Variants in ADCY5 observed in about 807,000 individuals in gnomAD.
ADCY5 encodes adenylate cyclase type 5.
In ADCY5, 30 loss-of-function variants were observed where a neutral mutation model predicts 119.7. That is an observed-to-expected ratio of 0.25 (90% CI 0.19 to 0.34). The LOEUF is 0.34. Ranked by LOEUF, ADCY5 falls within the 10% of genes least tolerant of loss-of-function variation. ADCY5 has a pLI of 1.00. For synonymous variants in ADCY5, 753 were observed against 762.2 expected (o/e 0.99, Z 0.20); for missense variants, 1,324 against 1,775.2 (o/e 0.75, Z 4.57).
At chr3:123,388,343 A>G (rs1473701581) in intron 1 of ADCY5, among the ~76,000 whole-genome samples, 2 of 152,124 alleles carry the variant, frequency 1.3e-5, no homozygotes, top group African/African-American at 4.8e-5. Flanking sequence ...GAGGAGAGGG[A>G]GTTGTCAAGG....
rs766422564 is a variant in ADCY5, at chr3:123,332,566, C to T, written c.1516G>A (p.Ala506Thr). 28 of 1,610,436 alleles carry T rather than the reference C, an allele frequency of 1.7e-5. No individual in the cohort carries two copies. Among genetic ancestry groups the T allele is most frequent in the Non-Finnish European group, 1.9e-5 (22 of 1,177,396 alleles). The change falls in exon 4 of 21, where the codon GCA becomes ACA. Residue 506 changes from alanine (A) to threonine (T), a missense_variant and splice_region_variant. Ala to Thr is a moderately conservative substitution (Grantham distance 58). Around this residue, in one of 6 missense-constraint regions of ADCY5, gnomAD observed 123 missense variants for 287.9 expected, o/e 0.43. Transcript: ENST00000462833. ...ELFARFDKLA[A>T]ENHCLRIKIL... ...ACCCCCGGCTCAGGGTGACTCACTG[C>T]GGCCAGCTTGTCAAAGCGGGCGAAG...
intron 13 of ADCY5, 152 bp from the exon 14 acceptor site, chr3:123,303,371 C>T (rs375687977): frequency 1.9e-5 from 17 of 895,838 alleles, no homozygotes; most frequent in South Asian, 1.6e-4. Flanking sequence ...GTCTGAGGAA[C>T]GGGCAAAGTC....
intron 12 of ADCY5, among the ~76,000 whole-genome samples, chr3:123,307,317 C>T (rs936154989): frequency 3.9e-5 from 6 of 152,158 alleles, no homozygotes; most frequent in Admixed American, 3.3e-4. Context: ...GATCCTGGGG[C>T]GTTACTCTAC....
At chr3:123,443,368 G>A (rs1445035943) in intron 1 of ADCY5, among the ~76,000 whole-genome samples, 2 of 152,120 alleles carry the variant, frequency 1.3e-5, no homozygotes, top group East Asian at 3.8e-4. Flanking sequence ...GAATAAACAG[G>A]ACAGGGCTGC....
chr3:123,331,886 C>T (rs2108407249), intron 4 of ADCY5, among the ~76,000 whole-genome samples: 1 of 152,290 alleles, frequency 6.6e-6, no homozygotes, highest in Admixed American at 6.5e-5. Context: ...CTGACGGCAC[C>T]AGCCTCTCAT....
chr3:123,314,722 A>G (rs1188121448), intron 11 of ADCY5, among the ~76,000 whole-genome samples: 3 of 152,196 alleles, frequency 2.0e-5, no homozygotes, highest in Non-Finnish European at 4.4e-5. Context: ...TACTCCCTCC[A>G]AGTCGTCACT....
rs566327946 is a variant in ADCY5 at position 123,440,486 on chromosome 3, T to C, written c.1134+6926A>G. ...ACCCCCCCTTTCTCTTGTGACCATA[T>C]CTCATTGTTCCCAGAGAACAGCCCT... On this transcript the variant is annotated intron_variant, in intron 1 of 20. Coordinates refer to ENST00000462833, the MANE Select transcript of ADCY5 (RefSeq NM_183357.3). 2.7e-5 allele frequency among the ~76,000 whole-genome samples: 4 copies of C among 150,522 alleles called. No homozygotes were observed. In the Admixed American group the frequency reaches 2.7e-4, roughly 10 times the overall value.
At chr3:123,324,403 AC>A (rs1941367829) in intron 8 of ADCY5, among the ~76,000 whole-genome samples, 1 of 122,160 alleles carries the variant, frequency 8.2e-6, no homozygotes, top group Admixed American at 8.7e-5. Flanking sequence ...CCACACAGAA[AC>A]CACACACACA....
intron 1 of ADCY5, among the ~76,000 whole-genome samples, chr3:123,369,401 G>A (rs1357112914): frequency 6.6e-6 from 1 of 152,196 alleles, no homozygotes; most frequent in Non-Finnish European, 1.5e-5. Context: ...CTGCAGGAAT[G>A]CCCAGGCCCA....
At chr3:123,345,955 G>T (rs756106145) in intron 3 of ADCY5, among the ~76,000 whole-genome samples, 2 of 152,206 alleles carry the variant, frequency 1.3e-5, no homozygotes, top group Non-Finnish European at 2.9e-5. Context: ...ACCAGAAAGC[G>T]TTCCAGGGTA....
chr3:123,383,878 C>G lies in ADCY5; in HGVS notation c.1135-31297G>C, dbSNP rs558644319. On this transcript the variant is annotated intron_variant, in intron 1 of 20. Coordinates refer to ENST00000462833, the MANE Select transcript of ADCY5 (RefSeq NM_183357.3). The stretch of plus-strand genomic sequence containing the variant: ...GCACGCACACACACACACAAACACA[C>G]ACACACTCTTCCTCAAGGTGCACAC... Among the ~76,000 whole-genome samples the G allele has an allele frequency of 2.0e-5, 3 of 151,708 alleles. No homozygotes were observed. In the South Asian group the frequency reaches 6.3e-4, roughly 32 times the overall value.
intron 7 of ADCY5, 99 bp downstream of exon 7, chr3:123,327,519 T>G: frequency 7.8e-7 from 1 of 1,278,212 alleles, no homozygotes; most frequent in African/African-American, 1.5e-5. Context: ...AAGAAATTCA[T>G]GACTTCACTC....
At chr3:123,397,572 G>A (rs955774423) in intron 1 of ADCY5, among the ~76,000 whole-genome samples, 1 of 152,180 alleles carries the variant, frequency 6.6e-6, no homozygotes, top group African/African-American at 2.4e-5. Context: ...AGGAGTTCAG[G>A]GTTACAGTGA....
chr3:123,434,211 C>T (rs1260007905), intron 1 of ADCY5, among the ~76,000 whole-genome samples: 2 of 152,236 alleles, frequency 1.3e-5, no homozygotes, highest in African/African-American at 4.8e-5. Context: ...CCAAAGTTAA[C>T]TAACTAGCAA....
At chr3:123,332,494 C>G (rs555791134) in intron 4 of ADCY5, 70 bp downstream of exon 4, 104 of 1,192,014 alleles carry the variant, frequency 8.7e-5, no homozygotes, top group Non-Finnish European at 1.2e-4. Context: ...TTCAGCAGGT[C>G]CTCGACCACA....
chr3:123,439,615 C>T (rs990766887), intron 1 of ADCY5, among the ~76,000 whole-genome samples: 3 of 150,024 alleles, frequency 2.0e-5, no homozygotes, highest in African/African-American at 7.4e-5. Context: ...TTGGTACTAT[C>T]CACGATTTTA....
intron 1 of ADCY5, among the ~76,000 whole-genome samples, chr3:123,373,773 A>G (rs189007214): frequency 0.055 from 1,963 of 35,700 alleles, 243 homozygotes; most frequent in South Asian, 0.094. Context: ...CCCCCCCCCG[A>G]CCCCCCCGCA....
intron 10 of ADCY5, 73 bp from the exon 11 acceptor site, chr3:123,318,190 A>C (rs553124091): frequency 8.2e-7 from 1 of 1,222,702 alleles, no homozygotes; most frequent in Non-Finnish European, 1.2e-6. Context: ...TCAATCCCAC[A>C]CACCCAGGGA....
chr3:123,339,483 G>A (rs1942176831), intron 3 of ADCY5, among the ~76,000 whole-genome samples: 1 of 152,240 alleles, frequency 6.6e-6, no homozygotes, highest in Non-Finnish European at 1.5e-5. Flanking sequence ...GGCTGGGAAA[G>A]GGAAAGGGGG....
Sources: gnomAD v4.1 joint callset for allele counts (sites outside exome capture counted in the v4.1 genomes callset) on GRCh38, gnomAD v4.1.1 for gene constraint, gnomAD v4.1.1 regional missense constraint, MANE v1.5 for transcripts, NCBI Gene and HGNC (gene_info 2026-07-23, HGNC 2026-07-21) for gene names.